The following WDHD1 variants were observed in gnomAD, a reference collection of about 807,000 sequenced individuals.
The protein encoded by WDHD1 is WD repeat and HMG-box DNA-binding protein 1.
WDHD1 carries 111 observed loss-of-function variants against 135.4 expected under a neutral mutation model. The ratio of observed to expected loss-of-function variants is 0.82; its 90% CI spans 0.70 to 0.96. The LOEUF is 0.96. WDHD1 is among the 40% of genes least tolerant of loss of function. The probability of loss-of-function intolerance (pLI) is 0.00; values close to 1 mark genes in which losing one functional copy is unlikely to be tolerated. For synonymous variants in WDHD1, 434 were observed against 439.0 expected, an observed-to-expected ratio of 0.99 and a Z score of 0.14; for missense variants, 1,351 against 1,336.3, an observed-to-expected ratio of 1.01 and a Z score of -0.17.
At chr14:54,969,888 G>A (rs563921897) in intron 16 of WDHD1, among the ~76,000 whole-genome samples, 3 of 152,236 alleles carry the variant, frequency 2.0e-5, no homozygotes, top group African/African-American at 4.8e-5. Context: ...TGTAAGGTTG[G>A]TTCAACATAT....
At chr14:54,979,938 AT>A (rs1439937082) in intron 16 of WDHD1, among the ~76,000 whole-genome samples, 5 of 152,260 alleles carry the variant, frequency 3.3e-5, no homozygotes, top group African/African-American at 1.2e-4. Context: ...CTATATCATT[AT>A]ATAGTGTCCT....
chr14:55,004,434 C>T (rs1047460920), intron 7 of WDHD1, among the ~76,000 whole-genome samples: 1 of 150,880 alleles, frequency 6.6e-6, no homozygotes, highest in African/African-American at 2.4e-5. Context: ...TGGACTTTCC[C>T]TTTTTTTTTA....
At chr14:55,020,101 T>A (rs887356061) in intron 2 of WDHD1, among the ~76,000 whole-genome samples, 2 of 152,196 alleles carry the variant, frequency 1.3e-5, no homozygotes. Flanking sequence ...CTCTATATAC[T>A]CAGCTTTCTT....
In WDHD1 at chr14:55,002,223, A is replaced by G. The variant is rs771875212; in HGVS notation, c.601-38T>C. 1.4e-6 allele frequency: 2 copies of G among 1,380,616 alleles called. 1 individual carries two copies. The highest frequency in any genetic ancestry group is 2.6e-5 in the South Asian group (2 of 77,750). 85.5% of individuals were successfully genotyped at this position (1,380,616 alleles called of 1,614,324 possible). On this transcript the variant is annotated intron_variant, in intron 7 of 25. Transcript: ENST00000360586. ...ATAAACAACGTAAACAAAAGTTTAC[A>G]TTAAATTGAATTTGAAGAAGGAAAA...
intron 23 of WDHD1, among the ~76,000 whole-genome samples, chr14:54,956,597 C>T (rs1027220493): frequency 6.6e-6 from 1 of 152,140 alleles, no homozygotes; most frequent in East Asian, 1.9e-4. Context: ...GAGATCCTGA[C>T]ACTGCACTCC....
intron 4 of WDHD1, among the ~76,000 whole-genome samples, chr14:55,009,451 A>G (rs1036281299): frequency 6.8e-6 from 1 of 146,994 alleles, no homozygotes; most frequent in Non-Finnish European, 1.5e-5. Flanking sequence ...TTTTTTTTTG[A>G]GACAGAGTTT....
intron 16 of WDHD1, among the ~76,000 whole-genome samples, chr14:54,976,103 C>T (rs1387740964): frequency 2.0e-5 from 3 of 152,130 alleles, no homozygotes; most frequent in African/African-American, 4.8e-5. Context: ...CAGTGTCACT[C>T]GAGAGCTCGA....
chr14:54,959,614 A>C (rs2041216876), intron 21 of WDHD1, among the ~76,000 whole-genome samples: 1 of 152,138 alleles, frequency 6.6e-6, no homozygotes, highest in African/African-American at 2.4e-5. Flanking sequence ...AGTACACACA[A>C]AAAATTAACC....
intron 14 of WDHD1, 88 bp downstream of exon 14, chr14:54,987,058 T>C (rs2041705272): frequency 6.7e-7 from 1 of 1,488,166 alleles, no homozygotes; most frequent in African/African-American, 1.4e-5. Context: ...AAGTATATAA[T>C]CCAAGACAAA....
chr14:54,950,114 T>A (rs756471609), intron 24 of WDHD1, among the ~76,000 whole-genome samples: 10 of 152,316 alleles, frequency 6.6e-5, no homozygotes, highest in Admixed American at 3.3e-4. Context: ...GCTAACATCA[T>A]AATGACAGGA....
At chr14:54,943,040 T>C (rs1455083737) in intron 25 of WDHD1, among the ~76,000 whole-genome samples, 3 of 152,220 alleles carry the variant, frequency 2.0e-5, no homozygotes, top group Non-Finnish European at 1.5e-5. Context: ...ATGCAACACC[T>C]TTTTCATAAA....
intron 18 of WDHD1, 128 bp downstream of exon 18, chr14:54,966,347 A>AACC: frequency 8.1e-7 from 1 of 1,236,676 alleles, no homozygotes; most frequent in Non-Finnish European, 1.1e-6. Flanking sequence ...AAAAAACAAC[A>AACC]ACAACAACAA....
intron 9 of WDHD1, 47 bp downstream of exon 9, chr14:55,000,839 C>G (rs948059680): frequency 1.3e-5 from 18 of 1,358,706 alleles, no homozygotes; most frequent in Non-Finnish European, 1.7e-5. Context: ...AAATACAAAA[C>G]TAATAGAGAT....
chr14:54,959,222 A>C (rs2041208397), intron 21 of WDHD1, among the ~76,000 whole-genome samples: 1 of 151,862 alleles, frequency 6.6e-6, no homozygotes, highest in Non-Finnish European at 1.5e-5. Context: ...AAAAACAACA[A>C]AACAAAAAAC....
At position 55,019,618 on chromosome 14, in the gene WDHD1, C is replaced by CA. The variant is rs202160029; in HGVS notation, c.78-6023dup. On this transcript the variant is annotated intron_variant, in intron 2 of 25. Transcript: ENST00000360586. ...GTGTGGTGGCTCATGCCTGTAACCC[C>CA]AGCACTTTGGGAGGCCAAGGCTGGT... is the stretch of plus-strand genomic sequence containing the variant. 5.5e-3 allele frequency among the ~76,000 whole-genome samples: 844 copies of CA among 152,236 alleles called. 5 individuals are homozygous for CA. Among genetic ancestry groups the CA allele is most frequent in the Non-Finnish European group, 9.7e-3 (663 of 68,022 alleles).
chr14:54,956,442 A>G (rs2041160152), intron 23 of WDHD1, among the ~76,000 whole-genome samples: 1 of 152,088 alleles, frequency 6.6e-6, no homozygotes, highest in Non-Finnish European at 1.5e-5. Context: ...GTTTGAGACC[A>G]GCCTGGCCAT....
At chr14:55,001,363 C>G (rs2041978017) in intron 8 of WDHD1, among the ~76,000 whole-genome samples, 3 of 152,184 alleles carry the variant, frequency 2.0e-5, no homozygotes, top group African/African-American at 7.2e-5. Flanking sequence ...GAAGCTCAAG[C>G]AATCCTCCTG....
chr14:54,948,648 G>A (rs1039311376), intron 24 of WDHD1, among the ~76,000 whole-genome samples: 4 of 152,204 alleles, frequency 2.6e-5, no homozygotes, highest in African/African-American at 9.6e-5. Context: ...TTTGAAGAGA[G>A]TAGTGGTTCT....
Position 54,967,381 on chromosome 14 carries a change from T to C in WDHD1, c.2077A>G (p.Lys693Glu), listed in dbSNP as rs967541795. The stretch of plus-strand genomic sequence containing the variant: ...AGGGTTGGGGGAAACCGAGAACCTT[T>C]ACAAGGAATGCACCTGTTAGTAAAG... Reference protein sequence around the residue: ...NPQQLRCIPCKGSRFPPTLPR... With the variant: ...NPQQLRCIPCEGSRFPPTLPR... The change falls in exon 17 of 26, where the codon AAA (lysine) becomes GAA (glutamate). Residue 693 changes from lysine (K) to glutamate (E), a missense_variant. Lys to Glu is a moderately conservative substitution (Grantham distance 56). Coordinates refer to ENST00000360586, the MANE Select transcript of WDHD1 (RefSeq NM_007086.4). 1 of 1,610,286 alleles carries C rather than the reference T, an allele frequency of 6.2e-7. No homozygotes were observed. Among genetic ancestry groups the C allele is most frequent in the African/African-American group, 1.3e-5 (1 of 74,788 alleles).
Sources: gnomAD v4.1 joint callset for allele counts (sites outside exome capture counted in the v4.1 genomes callset) on GRCh38, gnomAD v4.1.1 for gene constraint, MANE v1.5 for transcripts, NCBI Gene and HGNC (gene_info 2026-07-23, HGNC 2026-07-21) for gene names.